ACP7: variants seen among roughly 807,000 people sequenced by gnomAD.
The protein encoded by ACP7 is acid phosphatase type 7.
A neutral mutation model predicts 60.6 loss-of-function variants in ACP7; 58 were observed. The observed-to-expected ratio is 0.96, with a 90% CI of 0.77 to 1.19. ACP7 has a LOEUF of 1.19. ACP7 is among the 50% of genes most tolerant of loss of function. ACP7 has a pLI of 0.00. For synonymous variants in ACP7, 237 were observed against 232.6 expected, an observed-to-expected ratio of 1.02 and a Z score of -0.17; for missense variants, 574 against 596.2, an observed-to-expected ratio of 0.96 and a Z score of 0.39.
At chr19:39,096,411 A>G (rs1285094574) in intron 2 of ACP7, among the ~76,000 whole-genome samples, 3 of 152,226 alleles carry the variant, frequency 2.0e-5, no homozygotes, top group South Asian at 2.1e-4. Flanking sequence ...CCTTTGCTCC[A>G]GTTCCCAACA....
chr19:39,087,144 G>A (rs995108853), intron 2 of ACP7, among the ~76,000 whole-genome samples: 2 of 151,838 alleles, frequency 1.3e-5, no homozygotes, highest in Non-Finnish European at 2.9e-5. Context: ...CGAGTAGCTG[G>A]GATTACAGGC....
chr19:39,102,761 T>C (rs796501897), intron 11 of ACP7, among the ~76,000 whole-genome samples: 34 of 82,504 alleles, frequency 4.1e-4, no homozygotes, highest in South Asian at 2.2e-3. Flanking sequence ...CTTTCTTTCT[T>C]TCTTTCTCTC....
chr19:39,095,054 A>G (rs992542363), intron 2 of ACP7, among the ~76,000 whole-genome samples: 1 of 152,174 alleles, frequency 6.6e-6, no homozygotes, highest in African/African-American at 2.4e-5. Flanking sequence ...TGGGTGTACA[A>G]TTCAAGATGA....
At position 39,098,613 on chromosome 19, in the gene ACP7, A is replaced by G. The variant is rs759986893; in HGVS notation, c.277A>G (p.Ile93Val). 4 of 1,613,380 alleles carry G rather than the reference A, an allele frequency of 2.5e-6. No homozygotes were observed. The African/African-American group carries it at 4.0e-5, about 16-fold the overall frequency. Residue 93 changes from isoleucine to valine, a missense_variant, in exon 3 of 13, where the codon ATA becomes GTA. Physicochemically the swap from Ile to Val is conservative, Grantham distance 29 (BLOSUM62 3). Coordinates refer to ENST00000331256, the MANE Select transcript of ACP7 (RefSeq NM_001004318.3). Reference protein sequence around the residue: ...DGGILRRKLYIHRVTLRKLLP... With the variant: ...DGGILRRKLYVHRVTLRKLLP... ...GGGCATTCTCCGGCGGAAGCTCTAC[A>G]TACACCGAGTCACGCTTCGCAAGCT...
chr19:39,100,125 C>T (rs548319301), intron 4 of ACP7, 102 bp from the exon 5 acceptor site: 27 of 1,497,688 alleles, frequency 1.8e-5, no homozygotes, highest in East Asian at 6.8e-5. Context: ...CCTCCCGAAG[C>T]GCTGGGATTA....
At chr19:39,107,172 C>A (rs773406423) in intron 12 of ACP7, 88 bp downstream of exon 12, 1 of 1,345,470 alleles carries the variant, frequency 7.4e-7, no homozygotes. Context: ...CTCGGCCGGG[C>A]GCAGTGGCTC....
chr19:39,094,358 C>G (rs761484550), intron 2 of ACP7, among the ~76,000 whole-genome samples: 2 of 151,922 alleles, frequency 1.3e-5, no homozygotes, highest in African/African-American at 4.8e-5. Context: ...CAAAAATTAG[C>G]CGGGCATGGT....
rs771170744 is a variant in ACP7, at chr19:39,105,740, G to A, written c.1114-1207G>A. 4.6e-4 allele frequency among the ~76,000 whole-genome samples: 70 copies of A among 151,550 alleles called. 1 individual carries two copies. The highest frequency in any genetic ancestry group is 1.1e-3 in the Admixed American group (17 of 15,214). Reference sequence around the variant, plus strand: ...TTGCCCAGGCTGGTCTTGAACTCCTGGGCTCAAGCAATCTGCCCGCCTCGG... The same window carrying A: ...TTGCCCAGGCTGGTCTTGAACTCCTAGGCTCAAGCAATCTGCCCGCCTCGG... On this transcript the variant is annotated intron_variant, in intron 11 of 12. Coordinates refer to ENST00000331256, the MANE Select transcript of ACP7 (RefSeq NM_001004318.3).
At chr19:39,102,715 T>TTACTTTCTTTCTTTCTCTC (rs1555769415) in intron 11 of ACP7, among the ~76,000 whole-genome samples, 1 of 118,616 alleles carries the variant, frequency 8.4e-6, no homozygotes, top group South Asian at 2.9e-4. Context: ...CAATGAAGAC[T>TTACTTTCTTTCTTTCTCTC]TTTCTTTCTT....
intron 2 of ACP7, among the ~76,000 whole-genome samples, chr19:39,096,809 C>T (rs2144995070): frequency 6.6e-6 from 1 of 152,094 alleles, no homozygotes; most frequent in East Asian, 1.9e-4. Flanking sequence ...TTCTTTCTTT[C>T]TTTTTTTGAG....
chr19:39,103,197 T>A (rs889649932), intron 11 of ACP7, among the ~76,000 whole-genome samples: 1 of 152,152 alleles, frequency 6.6e-6, no homozygotes, highest in Admixed American at 6.6e-5. Flanking sequence ...ATTTACGAAT[T>A]GAGATCCTCT....
chr19:39,095,243 C>A (rs537789414), intron 2 of ACP7, among the ~76,000 whole-genome samples: 4 of 152,308 alleles, frequency 2.6e-5, no homozygotes, highest in Admixed American at 2.6e-4. Context: ...AGTCAAGACC[C>A]TTCCACCTAT....
chr19:39,108,667 C>T (rs2569369), intron 12 of ACP7, among the ~76,000 whole-genome samples: 8 of 151,902 alleles, frequency 5.3e-5, no homozygotes, highest in Non-Finnish European at 1.0e-4. Flanking sequence ...GTATGTGGTA[C>T]AGGTGGCTTA....
intron 2 of ACP7, among the ~76,000 whole-genome samples, chr19:39,087,627 A>AT (rs1198638462): frequency 5.6e-5 from 6 of 107,580 alleles, no homozygotes; most frequent in Non-Finnish European, 1.2e-4. Context: ...TGCCCAGCTA[A>AT]TTTTGTTTTT....
chr19:39,102,120 T>A (rs691004), intron 11 of ACP7, among the ~76,000 whole-genome samples: 109,627 of 145,874 alleles, frequency 0.75, 41,249 homozygotes, highest in Non-Finnish European at 0.79. Flanking sequence ...ACCCTTTCTC[T>A]CACACACACA....
intron 12 of ACP7, among the ~76,000 whole-genome samples, chr19:39,108,647 AATAAG>A (rs1488814622): frequency 1.3e-5 from 2 of 152,242 alleles, no homozygotes; most frequent in East Asian, 3.9e-4. Flanking sequence ...AGGGGAAAAC[AATAAG>A]ATGAGTATGT....
Position 39,110,145 on chromosome 19 carries a change from C to G in ACP7, c.*27C>G. 1.2e-6 allele frequency: 2 copies of G among 1,605,610 alleles called. No homozygotes were observed. Among genetic ancestry groups the G allele is most frequent in the Middle Eastern group, 1.7e-4 (1 of 6,034 alleles). ...GATGGCGGCAGCTCTCCTCCAGAAG[C>G]CTAGGTTTTGCCGCCTTGGCTGCTG... On this transcript the variant is annotated 3_prime_UTR_variant, in exon 13 of 13. Coordinates refer to ENST00000331256, the MANE Select transcript of ACP7 (RefSeq NM_001004318.3).
At chr19:39,098,861 C>A (rs2073303347) in intron 3 of ACP7, 99 bp from the exon 4 acceptor site, 26 of 1,467,798 alleles carry the variant, frequency 1.8e-5, no homozygotes, top group South Asian at 8.8e-5. Context: ...CCCCACCAGT[C>A]CCCCCATCTC....
At chr19:39,104,512 G>A (rs2073391114) in intron 11 of ACP7, among the ~76,000 whole-genome samples, 2 of 152,174 alleles carry the variant, frequency 1.3e-5, no homozygotes, top group Non-Finnish European at 2.9e-5. Context: ...GGCTTCTCAC[G>A]GCCCTTGGCA....
Sources: gnomAD v4.1 joint callset for allele counts (sites outside exome capture counted in the v4.1 genomes callset) on GRCh38, gnomAD v4.1.1 for gene constraint, MANE v1.5 for transcripts, NCBI Gene and HGNC (gene_info 2026-07-23, HGNC 2026-07-21) for gene names.